NMRK2: variants seen among roughly 807,000 people sequenced by gnomAD.
The protein encoded by NMRK2 is NRK 2.
A neutral mutation model predicts 24.7 loss-of-function variants in NMRK2; 34 were observed. The ratio of observed to expected loss-of-function variants is 1.37; its 90% CI spans 1.05 to 1.83. The LOEUF (loss-of-function observed/expected upper bound fraction) is 1.83. Among genes scored for constraint, NMRK2 ranks in the 40% most tolerant of loss-of-function variants. The pLI is 0.00. For missense variants in NMRK2, 341 were observed against 315.0 expected, an observed-to-expected ratio of 1.08 and a Z score of -0.62; for synonymous variants, 145 against 125.6, an observed-to-expected ratio of 1.15 and a Z score of -1.03.
At chr19:3,937,141 C>A in intron 3 of NMRK2, 99 bp from the exon 4 acceptor site, 1 of 1,207,144 alleles carries the variant, frequency 8.3e-7, no homozygotes. Flanking sequence ...TCAGGGACCT[C>A]AGCAGCTCCA....
chr19:3,936,084 G>T (rs945499833), intron 2 of NMRK2, among the ~76,000 whole-genome samples: 1 of 152,030 alleles, frequency 6.6e-6, no homozygotes, highest in Non-Finnish European at 1.5e-5. Flanking sequence ...GGTGGCGCAC[G>T]CCTGTAATCC....
At chr19:3,939,380 GGC>G (rs2039285547) in intron 5 of NMRK2, among the ~76,000 whole-genome samples, 1 of 151,932 alleles carries the variant, frequency 6.6e-6, no homozygotes, top group Non-Finnish European at 1.5e-5. Context: ...CAGGTGTGGT[GGC>G]GTGTGCCTGT....
chr19:3,937,967 C>G (rs976946785), intron 4 of NMRK2, among the ~76,000 whole-genome samples: 1 of 130,312 alleles, frequency 7.7e-6, no homozygotes, highest in African/African-American at 3.0e-5. Context: ...CACTGTCCCC[C>G]CGGGGTCCAC....
intron 6 of NMRK2, among the ~76,000 whole-genome samples, chr19:3,940,789 G>A (rs1034985628): frequency 6.7e-6 from 1 of 148,884 alleles, no homozygotes; most frequent in Non-Finnish European, 1.5e-5. Context: ...ACATCCCAAC[G>A]CCACAGGCAC....
intron 6 of NMRK2, among the ~76,000 whole-genome samples, chr19:3,940,404 G>A (rs2039310808): frequency 6.7e-6 from 1 of 148,896 alleles, no homozygotes; most frequent in South Asian, 2.1e-4. Context: ...CCAGCACTTT[G>A]GGAGGCTTGG....
At chr19:3,940,925 G>T in intron 6 of NMRK2, 146 bp from the exon 7 acceptor site, 1 of 556,668 alleles carries the variant, frequency 1.8e-6, no homozygotes, top group Non-Finnish European at 3.2e-6. Flanking sequence ...GGAGGTTGGA[G>T]CCTCTAGCCC....
intron 7 of NMRK2, 84 bp downstream of exon 7, chr19:3,941,261 T>C (rs1429164436): frequency 6.4e-6 from 5 of 781,806 alleles, no homozygotes; most frequent in Non-Finnish European, 1.0e-5. Context: ...TTTTTTTTTT[T>C]TTTTTCAAGA....
chr19:3,940,240 G>A (rs1343804802), intron 6 of NMRK2, among the ~76,000 whole-genome samples: 1 of 149,688 alleles, frequency 6.7e-6, no homozygotes, highest in East Asian at 2.0e-4. Context: ...CCAGCTACTT[G>A]GGAGGCTGAG....
At chr19:3,938,885 G>A in intron 5 of NMRK2, 126 bp downstream of exon 5, 1 of 741,154 alleles carries the variant, frequency 1.3e-6, no homozygotes, top group East Asian at 3.7e-5. Context: ...TTTTGCTCTT[G>A]TTGCCCAGGC....
Position 3,939,908 on chromosome 19 carries a change from T to G in NMRK2, c.332T>G (p.Val111Gly), listed in dbSNP as rs2039298535. The G allele has an allele frequency of 6.2e-7, 1 of 1,612,382 alleles. No individual in the cohort carries two copies. Among genetic ancestry groups the G allele is most frequent in the East Asian group, 2.2e-5 (1 of 44,872 alleles). The stretch of plus-strand genomic sequence containing the variant: ...TCCCCCACTCCGCCCAGGCCCCTGG[T>G]GGACTTGTACAGCCGCCGGTACTTC... ...GFLLYSYKPL[V>G]DLYSRRYFLT... Residue 111 changes from valine to glycine, a missense_variant, in exon 6 of 8, where the codon GTG (valine) becomes GGG (glycine). Transcript: ENST00000168977.
intron 4 of NMRK2, among the ~76,000 whole-genome samples, chr19:3,938,033 A>G: frequency 7.9e-6 from 1 of 125,856 alleles, no homozygotes; most frequent in Non-Finnish European, 1.7e-5. Flanking sequence ...CCCTCCTGCA[A>G]TACCTGCTCC....
At chr19:3,937,323 C>G (rs2039232109) in intron 4 of NMRK2, 35 bp downstream of exon 4, 1 of 1,598,196 alleles carries the variant, frequency 6.3e-7, no homozygotes, top group Non-Finnish European at 8.6e-7. Context: ...CCCCACTATC[C>G]CCCGGGGTCC....
chr19:3,938,328 G>A (rs1599162322), intron 4 of NMRK2, among the ~76,000 whole-genome samples: 2 of 93,036 alleles, frequency 2.1e-5, no homozygotes, highest in African/African-American at 9.6e-5. Context: ...CCCGTCCACT[G>A]TTCCCCCGGG....
chr19:3,937,770 G>C (rs1314113545), intron 4 of NMRK2, among the ~76,000 whole-genome samples: 2 of 55,544 alleles, frequency 3.6e-5, no homozygotes, highest in African/African-American at 7.3e-5. Flanking sequence ...CCCGCTCCCC[G>C]TCCACTGTCC....
chr19:3,937,118 G>A (rs2039227316), intron 3 of NMRK2, 122 bp from the exon 4 acceptor site: 1 of 886,656 alleles, frequency 1.1e-6, no homozygotes, highest in East Asian at 2.6e-5. Flanking sequence ...GGGTCAGGCA[G>A]AGCCCCCACG....
At position 3,937,260 on chromosome 19, in the gene NMRK2, T is replaced by C; in HGVS notation, c.138T>C (p.Val46=). ...TTCAGCCCCAAGACCAAATAGCAGT[T>C]GGGGAAGACGGCTTCAAACAGTGGG... The part of the protein sequence containing the change: ...DFFKPQDQIA[V]GEDGFKQWDV... Residue 46 remains valine, a synonymous_variant, in exon 4 of 8, where the codon GTT becomes GTC. Coordinates refer to ENST00000168977, the MANE Select transcript of NMRK2 (RefSeq NM_170678.3). The C allele has an allele frequency of 6.2e-7, 1 of 1,613,288 alleles. No homozygotes were observed. Among genetic ancestry groups the C allele is most frequent in the Non-Finnish European group, 8.5e-7 (1 of 1,179,552 alleles).
Position 3,934,027 on chromosome 19 carries a change from C to T in NMRK2, c.26+330C>T, listed in dbSNP as rs370967899. Among the ~76,000 whole-genome samples, 85 of 152,238 alleles carry T rather than the reference C, an allele frequency of 5.6e-4. 1 individual carries two copies. Among genetic ancestry groups the T allele is most frequent in the African/African-American group, 2.0e-3 (82 of 41,544 alleles). On this transcript the variant is annotated intron_variant, in intron 2 of 7. Coordinates refer to ENST00000168977, the MANE Select transcript of NMRK2 (RefSeq NM_170678.3). ...CTTTGGGAGGCCGAGGCGGGTGGAT[C>T]ACCTGAGGTCAGGAATTTGAGACCA...
chr19:3,938,245 G>A (rs1416021730), intron 4 of NMRK2, among the ~76,000 whole-genome samples: 15 of 130,622 alleles, frequency 1.1e-4, no homozygotes, highest in African/African-American at 4.2e-4. Flanking sequence ...CTGTCCCCCC[G>A]GGGTCCACCC....
At chr19:3,938,323 C>T (rs985739037) in intron 4 of NMRK2, among the ~76,000 whole-genome samples, 1 of 135,640 alleles carries the variant, frequency 7.4e-6, no homozygotes, top group African/African-American at 3.0e-5. Context: ...CGCTCCCCGT[C>T]CACTGTTCCC....
Sources: allele counts gnomAD v4.1 joint callset (sites outside exome capture counted in the v4.1 genomes callset), GRCh38; gene constraint gnomAD v4.1.1; transcripts MANE v1.5; gene names NCBI Gene and HGNC (gene_info 2026-07-23, HGNC 2026-07-21).